MARCKSL1: variants seen among roughly 807,000 people sequenced by gnomAD.
MARCKSL1 encodes MARCKS-related protein.
Under a neutral mutation model 13.3 loss-of-function variants are expected in MARCKSL1, and 5 were observed. The observed-to-expected ratio is 0.38, with a 90% confidence interval of 0.20 to 0.79. MARCKSL1 has a LOEUF of 0.79. Among genes scored for constraint, MARCKSL1 ranks in the 30% least tolerant of loss-of-function variants. MARCKSL1 has a pLI of 0.45. For missense variants in MARCKSL1, 274 were observed against 251.6 expected, an observed-to-expected ratio of 1.09 and a Z score of -0.60; for synonymous variants, 126 against 103.2, an observed-to-expected ratio of 1.22 and a Z score of -1.34.
In MARCKSL1 at chr1:32,335,496, C is replaced by A. The variant is rs1345009818; in HGVS notation, c.88-399G>T. Among the ~76,000 whole-genome samples, 1 of 151,698 alleles carries A rather than the reference C, an allele frequency of 6.6e-6. No individual in the cohort carries two copies. The highest frequency in any genetic ancestry group is 1.5e-5 in the Non-Finnish European group (1 of 67,796). On this transcript the variant is annotated intron_variant, in intron 1 of 1. Coordinates refer to ENST00000329421, the MANE Select transcript of MARCKSL1 (RefSeq NM_023009.7). This position sits in a 1 kb window ranked among gnomAD's most constrained non-coding sequence, Gnocchi z 4.1. Reference sequence around the variant, plus strand: ...CTGGACGGCCTATTTTCCCAGCCTCCCGCTTTGTGTAAGTGGCCCCCACCC... The same window carrying A: ...CTGGACGGCCTATTTTCCCAGCCTCACGCTTTGTGTAAGTGGCCCCCACCC...
chr1:32,334,933 C>A lies in MARCKSL1; in HGVS notation c.252G>T (p.Glu84Asp). Reference sequence around the variant, plus strand: ...AGAATTTCTTCTTCTTCTTGGGGGTCTCCTTGGGGGGGACCTCCCCCTTGG... The same window carrying A: ...AGAATTTCTTCTTCTTCTTGGGGGTATCCTTGGGGGGGACCTCCCCCTTGG... Reference protein sequence around the residue: ...AEAKGEVPPKETPKKKKKFSF... With the variant: ...AEAKGEVPPKDTPKKKKKFSF... The change falls in exon 2 of 2, where the codon GAG (glutamate) becomes GAT (aspartate). Residue 84 changes from glutamate to aspartate, a missense_variant. Coordinates refer to ENST00000329421, the MANE Select transcript of MARCKSL1 (RefSeq NM_023009.7). 1 of 1,612,292 alleles carries A rather than the reference C, an allele frequency of 6.2e-7. No homozygotes were observed. The highest frequency in any genetic ancestry group is 8.5e-7 in the Non-Finnish European group (1 of 1,179,958).
Position 32,335,200 on chromosome 1 carries a change from AC to A in MARCKSL1, c.88-104del. On this transcript the variant is annotated intron_variant, in intron 1 of 1. Transcript: ENST00000329421. The surrounding 1 kb of genome is among the most constrained non-coding windows in gnomAD (Gnocchi z 4.1). ...GGGTCCTCGATTCGATTCTACTGCA[AC>A]CCGAAAGTCTGGCTTCAGCCTCACC... 1 of 1,251,140 alleles carries A rather than the reference AC, an allele frequency of 8.0e-7. No homozygotes were observed. Among genetic ancestry groups the A allele is most frequent in the Non-Finnish European group, 1.0e-6 (1 of 960,404 alleles). The allele number at this position is 1,251,140 out of a possible 1,614,324, so 77.5% of individuals were successfully genotyped here. A position where few individuals can be genotyped will look rare whatever the true frequency, so the allele number is the denominator to read the frequency against.
At position 32,334,489 on chromosome 1, in the gene MARCKSL1, T is replaced by C. The variant is rs939831481; in HGVS notation, c.*108A>G. The C allele has an allele frequency of 1.5e-6, 2 of 1,359,940 alleles. No individual in the cohort carries two copies. The highest frequency in any genetic ancestry group is 1.5e-5 in the African/African-American group (1 of 67,678). 84.2% of individuals were successfully genotyped at this position (1,359,940 alleles called of 1,614,324 possible). ...GTGGCTGGGAGGAGGCAATAGCCCC[T>C]TCCTTTCTGGGCACAGGAAGGCAGC... On this transcript the variant is annotated 3_prime_UTR_variant, in exon 2 of 2. Coordinates refer to ENST00000329421, the MANE Select transcript of MARCKSL1 (RefSeq NM_023009.7).
At position 32,335,852 on chromosome 1, in the gene MARCKSL1, C is replaced by G. The variant is rs1388281169; in HGVS notation, c.87+95G>C. The G allele has an allele frequency of 3.2e-6, 2 of 616,922 alleles. No individual in the cohort carries two copies. The highest frequency in any genetic ancestry group is 4.6e-5 in the Admixed American group (1 of 21,800). The allele number at this position is 616,922 out of a possible 1,614,324, so 38.2% of individuals were successfully genotyped here. ...GGAGGGGGCGCCGCGTGTCCCGGGC[C>G]GGACAAAGCGCGCGGCCCCGGCCCC... On this transcript the variant is annotated intron_variant, in intron 1 of 1. Transcript: ENST00000329421. The surrounding 1 kb of genome is among the most constrained non-coding windows in gnomAD (Gnocchi z 4.1).
Position 32,335,816 on chromosome 1 carries a change from G to T in MARCKSL1, c.87+131C>A. 7.5e-6 allele frequency: 3 copies of T among 397,654 alleles called. No individual in the cohort carries two copies. The highest frequency in any genetic ancestry group is 1.3e-5 in the Non-Finnish European group (3 of 239,998). The allele number at this position is 397,654 out of a possible 1,614,324, so 24.6% of individuals were successfully genotyped here. A position where few individuals can be genotyped will look rare whatever the true frequency, so the allele number is the denominator to read the frequency against. On this transcript the variant is annotated intron_variant, in intron 1 of 1. Coordinates refer to ENST00000329421, the MANE Select transcript of MARCKSL1 (RefSeq NM_023009.7). The surrounding 1 kb of genome is among the most constrained non-coding windows in gnomAD (Gnocchi z 4.1). ...GGGGCTGCGGCGCCGAGAACAAAGG[G>T]ACCGGGCGGGGGAGGGGGCGCCGCG...
In MARCKSL1 at chr1:32,334,650, G is replaced by T; in HGVS notation, c.535C>A (p.Pro179Thr). The T allele has an allele frequency of 6.2e-7, 1 of 1,603,826 alleles. No homozygotes were observed. The highest frequency in any genetic ancestry group is 1.1e-5 in the South Asian group (1 of 89,486). ...GTAGGGCCACTCTCCGGCCCCGAGG[G>T]AGTGGATGGCTCTGTAGCCTGGGGC... The part of the protein sequence containing the change: ...AGPQATEPST[P>T]SGPESGPTPA... Residue 179 changes from proline to threonine, a missense_variant, in exon 2 of 2, where the codon CCC becomes ACC. Coordinates refer to ENST00000329421, the MANE Select transcript of MARCKSL1 (RefSeq NM_023009.7).
Position 32,335,911 on chromosome 1 carries a change from G to GA in MARCKSL1, c.87+35_87+36insT, listed in dbSNP as rs1641384087. ...GCCCTAGAAGGGGCGAGGTGCGAGAGGAGGGGCTGGGGCCGGCCGGGCCAA... is the reference window on the plus strand; with the variant it reads ...GCCCTAGAAGGGGCGAGGTGCGAGAGAGAGGGGCTGGGGCCGGCCGGGCCAA... On this transcript the variant is annotated intron_variant, in intron 1 of 1. Coordinates refer to ENST00000329421, the MANE Select transcript of MARCKSL1 (RefSeq NM_023009.7). The surrounding 1 kb of genome is among the most constrained non-coding windows in gnomAD (Gnocchi z 4.1). 5.7e-6 allele frequency: 7 copies of GA among 1,235,414 alleles called. No homozygotes were observed. In the Admixed American group the frequency reaches 2.0e-4, roughly 34 times the overall value. The allele number at this position is 1,235,414 out of a possible 1,614,324, so 76.5% of individuals were successfully genotyped here.
rs1255232253 is a variant in MARCKSL1, at chr1:32,335,724, G to A, written c.87+223C>T. ...GGGGGCAGCGCCGGGGACCGGGGCC[G>A]CGAACAAAGAAGGCGGCAGGGCCCG... is the stretch of plus-strand genomic sequence containing the variant. On this transcript the variant is annotated intron_variant, in intron 1 of 1. Transcript: ENST00000329421. This position sits in a 1 kb window ranked among gnomAD's most constrained non-coding sequence, Gnocchi z 4.1. Among the ~76,000 whole-genome samples, 1 of 151,118 alleles carries A rather than the reference G, an allele frequency of 6.6e-6. No homozygotes were observed. The highest frequency in any genetic ancestry group is 1.5e-5 in the Non-Finnish European group (1 of 67,662).
At position 32,334,703 on chromosome 1, in the gene MARCKSL1, G is replaced by C; in HGVS notation, c.482C>G (p.Ala161Gly). 4 of 1,612,744 alleles carry C rather than the reference G, an allele frequency of 2.5e-6. No individual in the cohort carries two copies. The highest frequency in any genetic ancestry group is 3.4e-6 in the Non-Finnish European group (4 of 1,179,916). The change falls in exon 2 of 2, where the codon GCT (alanine) becomes GGT (glycine). Residue 161 changes from alanine to glycine, a missense_variant. By Grantham distance (60) the Ala-to-Gly change is moderately conservative. Transcript: ENST00000329421. Reference sequence around the variant, plus strand: ...TGCCTCTTCTTCTGAGGCTGCACTAGCCTCTGCCCCCTTGGCCTGGGGTTC... The same window carrying C: ...TGCCTCTTCTTCTGAGGCTGCACTACCCTCTGCCCCCTTGGCCTGGGGTTC... The part of the protein sequence containing the change: ...SQEPQAKGAE[A>G]SAASEEEAGP...
In MARCKSL1 at chr1:32,335,971, A is replaced by T; in HGVS notation, c.63T>A (p.Ala21=). 7.7e-7 allele frequency: 1 copy of T among 1,292,414 alleles called. No individual in the cohort carries two copies. The highest frequency in any genetic ancestry group is 9.8e-7 in the Non-Finnish European group (1 of 1,017,170). 80.1% of individuals were successfully genotyped at this position (1,292,414 alleles called of 1,614,324 possible). A position where few individuals can be genotyped will look rare whatever the true frequency, so the allele number is the denominator to read the frequency against. The change falls in exon 1 of 2, where the codon GCT becomes GCA. Residue 21 remains alanine, a synonymous_variant. Coordinates refer to ENST00000329421, the MANE Select transcript of MARCKSL1 (RefSeq NM_023009.7). The surrounding 1 kb of genome is among the most constrained non-coding windows in gnomAD (Gnocchi z 4.1). ...CCTGGCCGTTGGCCTTCGCGGGGGA[A>T]GCGCCTGCTGCCTCCTCGGCGGTCA... The part of the protein sequence containing the change: ...GDVTAEEAAG[A]SPAKANGQEN...
rs766899858 is a variant in MARCKSL1, at chr1:32,336,040, G to A, written c.-7C>T. On this transcript the variant is annotated 5_prime_UTR_variant, in exon 1 of 2. Coordinates refer to ENST00000329421, the MANE Select transcript of MARCKSL1 (RefSeq NM_023009.7). ...TGGAGCTCTGGCTGCCCATGATGGG[G>A]GTCTGCTGGGGGGCGCTTGGAGCCG... is the stretch of plus-strand genomic sequence containing the variant. 7.8e-6 allele frequency: 10 copies of A among 1,286,288 alleles called. No homozygotes were observed. Among genetic ancestry groups the A allele is most frequent in the Middle Eastern group, 6.2e-4 (2 of 3,250 alleles). 79.7% of individuals were successfully genotyped at this position (1,286,288 alleles called of 1,614,324 possible). A position where few individuals can be genotyped will look rare whatever the true frequency, so the allele number is the denominator to read the frequency against.
rs780446123 is a variant in MARCKSL1 at position 32,334,672 on chromosome 1, G to T, written c.513C>A (p.Pro171=). Residue 171 remains proline, a synonymous_variant, in exon 2 of 2, where the codon CCC becomes CCA. Coordinates refer to ENST00000329421, the MANE Select transcript of MARCKSL1 (RefSeq NM_023009.7). Reference sequence around the variant, plus strand: ...AGGGAGTGGATGGCTCTGTAGCCTGGGGCCCTGCCTCTTCTTCTGAGGCTG... The same window carrying T: ...AGGGAGTGGATGGCTCTGTAGCCTGTGGCCCTGCCTCTTCTTCTGAGGCTG... ...ASAASEEEAG[P]QATEPSTPSG... The T allele has an allele frequency of 6.2e-7, 1 of 1,611,914 alleles. No homozygotes were observed. Among genetic ancestry groups the T allele is most frequent in the South Asian group, 1.1e-5 (1 of 90,882 alleles).
At position 32,334,656 on chromosome 1, in the gene MARCKSL1, A is replaced by G. The variant is rs1641353235; in HGVS notation, c.529T>C (p.Ser177Pro). 3.1e-6 allele frequency: 5 copies of G among 1,606,390 alleles called. No individual in the cohort carries two copies. The African/African-American group carries it at 5.4e-5, about 17-fold the overall frequency. Residue 177 changes from serine (S) to proline (P), a missense_variant, in exon 2 of 2, where the codon TCC becomes CCC. Ser to Pro is a moderately conservative substitution (Grantham distance 74). Coordinates refer to ENST00000329421, the MANE Select transcript of MARCKSL1 (RefSeq NM_023009.7). Reference protein sequence around the residue: ...EEAGPQATEPSTPSGPESGPT... With the variant: ...EEAGPQATEPPTPSGPESGPT... ...CCACTCTCCGGCCCCGAGGGAGTGG[A>G]TGGCTCTGTAGCCTGGGGCCCTGCC...
chr1:32,335,917 G>A lies in MARCKSL1; in HGVS notation c.87+30C>T, dbSNP rs1056078764. 2 of 1,254,294 alleles carry A rather than the reference G, an allele frequency of 1.6e-6. No individual in the cohort carries two copies. Among genetic ancestry groups the A allele is most frequent in the Non-Finnish European group, 2.0e-6 (2 of 987,118 alleles). 77.7% of individuals were successfully genotyped at this position (1,254,294 alleles called of 1,614,324 possible). ...GAAGGGGCGAGGTGCGAGAGGAGGG[G>A]CTGGGGCCGGCCGGGCCAAGCGTAC... On this transcript the variant is annotated intron_variant, in intron 1 of 1. Coordinates refer to ENST00000329421, the MANE Select transcript of MARCKSL1 (RefSeq NM_023009.7). The surrounding 1 kb of genome is among the most constrained non-coding windows in gnomAD (Gnocchi z 4.1).
rs1421536771 is a variant in MARCKSL1, at chr1:32,335,880, C to CCCCGGG, written c.87+61_87+66dup. Reference sequence around the variant, plus strand: ...ACAAAGCGCGCGGCCCCGGCCCCGGCCCCGGGCCCTAGAAGGGGCGAGGTG... The same window carrying CCCCGGG: ...ACAAAGCGCGCGGCCCCGGCCCCGGCCCCGGGCCCGGGCCCTAGAAGGGGCGAGGTG... On this transcript the variant is annotated intron_variant, in intron 1 of 1. Transcript: ENST00000329421. This position sits in a 1 kb window ranked among gnomAD's most constrained non-coding sequence, Gnocchi z 4.1. 2.1e-5 allele frequency: 20 copies of CCCCGGG among 968,252 alleles called. No homozygotes were observed. The highest frequency in any genetic ancestry group is 1.7e-4 in the Admixed American group (4 of 23,950). The allele number at this position is 968,252 out of a possible 1,614,324, so 60.0% of individuals were successfully genotyped here.
At position 32,336,223 on chromosome 1, in the gene MARCKSL1, G is replaced by C. The variant is rs2148077043; in HGVS notation, c.-190C>G. On this transcript the variant is annotated 5_prime_UTR_variant, in exon 1 of 2. Coordinates refer to ENST00000329421, the MANE Select transcript of MARCKSL1 (RefSeq NM_023009.7). ...TGCGCCCGCCGCCGCTCCGCTCCGCGCCAGAATGCCGCCCGCCGCCCGCCG... is the reference window on the plus strand; with the variant it reads ...TGCGCCCGCCGCCGCTCCGCTCCGCCCCAGAATGCCGCCCGCCGCCCGCCG... 3.1e-6 allele frequency: 1 copy of C among 323,858 alleles called. No individual in the cohort carries two copies. The highest frequency in any genetic ancestry group is 4.8e-5 in the East Asian group (1 of 21,004). The allele number at this position is 323,858 out of a possible 1,614,324, so 20.1% of individuals were successfully genotyped here. A position where few individuals can be genotyped will look rare whatever the true frequency, so the allele number is the denominator to read the frequency against.
rs1236109856 is a variant in MARCKSL1 at position 32,334,968 on chromosome 1, C to G, written c.217G>C (p.Gly73Arg). ...DAIEPAPPSQ[G>R]AEAKGEVPPK... ...GGGACCTCCCCCTTGGCCTCAGCACCCTGGCTAGGGGGTGCTGGCTCGATG... is the reference window on the plus strand; with the variant it reads ...GGGACCTCCCCCTTGGCCTCAGCACGCTGGCTAGGGGGTGCTGGCTCGATG... The change falls in exon 2 of 2, where the codon GGT (glycine) becomes CGT (arginine). Residue 73 changes from glycine to arginine, a missense_variant. Coordinates refer to ENST00000329421, the MANE Select transcript of MARCKSL1 (RefSeq NM_023009.7). The G allele has an allele frequency of 6.2e-7, 1 of 1,612,452 alleles. No homozygotes were observed. Among genetic ancestry groups the G allele is most frequent in the Non-Finnish European group, 8.5e-7 (1 of 1,179,614 alleles).
chr1:32,334,306 AGG>A lies in MARCKSL1; in HGVS notation c.*289_*290del. ...AAGAAAACCAACAACTGCCTTATGC[AGG>A]GGTGGGGACAGGGAAGGAGGTAGGG... On this transcript the variant is annotated 3_prime_UTR_variant, in exon 2 of 2. Coordinates refer to ENST00000329421, the MANE Select transcript of MARCKSL1 (RefSeq NM_023009.7). The A allele has an allele frequency of 3.1e-6, 1 of 326,000 alleles. No individual in the cohort carries two copies. The highest frequency in any genetic ancestry group is 5.6e-6 in the Non-Finnish European group (1 of 179,742). The allele number at this position is 326,000 out of a possible 1,614,324, so 20.2% of individuals were successfully genotyped here.
Position 32,334,312 on chromosome 1 carries a change from GGGGACAGGGAAGGAGGTAGGGCCA to G in MARCKSL1, c.*261_*284del, listed in dbSNP as rs913801786. 8.8e-6 allele frequency: 3 copies of G among 339,174 alleles called. No individual in the cohort carries two copies. Among genetic ancestry groups the G allele is most frequent in the African/African-American group, 2.1e-5 (1 of 47,386 alleles). 21.0% of individuals were successfully genotyped at this position (339,174 alleles called of 1,614,324 possible). On this transcript the variant is annotated 3_prime_UTR_variant, in exon 2 of 2. Coordinates refer to ENST00000329421, the MANE Select transcript of MARCKSL1 (RefSeq NM_023009.7). ...ACCAACAACTGCCTTATGCAGGGGT[GGGGACAGGGAAGGAGGTAGGGCCA>G]GGGACAGGAGCATTTCACATCACTA... is the stretch of plus-strand genomic sequence containing the variant.
Sources: allele counts gnomAD v4.1 joint callset (sites outside exome capture counted in the v4.1 genomes callset), GRCh38; gene constraint gnomAD v4.1.1; non-coding constraint Gnocchi (gnomAD v3.1); transcripts MANE v1.5; gene names NCBI Gene and HGNC (gene_info 2026-07-23, HGNC 2026-07-21).